Variants in FNDC1 observed in about 807,000 individuals in gnomAD.
The protein encoded by FNDC1 is fibronectin type III domain containing 1.
FNDC1 carries 96 observed loss-of-function variants against 168.0 expected under a neutral mutation model. The observed-to-expected ratio is 0.57, with a 90% CI of 0.48 to 0.68. FNDC1 has a LOEUF of 0.68. Ranked by LOEUF, FNDC1 falls within the 30% of genes least tolerant of loss-of-function variation. The pLI is 0.00. For missense variants in FNDC1, 2,587 were observed against 2,482.1 expected, an observed-to-expected ratio of 1.04 and a Z score of -0.90; for synonymous variants, 1,099 against 1,025.9, an observed-to-expected ratio of 1.07 and a Z score of -1.36.
intron 6 of FNDC1, 63 bp from the exon 7 acceptor site, chr6:159,223,465 A>G (rs1040868423): frequency 1.0e-6 from 1 of 977,112 alleles, no homozygotes; most frequent in African/African-American, 1.6e-5. Context: ...TCAAGGACTG[A>G]GGAGCTCAGG....
intron 17 of FNDC1, among the ~76,000 whole-genome samples, 182 bp downstream of exon 17, chr6:159,251,714 G>A (rs115594019): frequency 1.5e-3 from 232 of 152,272 alleles, no homozygotes; most frequent in African/African-American, 5.2e-3. Context: ...AACAATGGAA[G>A]CCTCATGGGG....
At chr6:159,222,349 C>G (rs1009462295) in intron 6 of FNDC1, among the ~76,000 whole-genome samples, 6 of 152,130 alleles carry the variant, frequency 3.9e-5, no homozygotes, top group Admixed American at 3.3e-4. Flanking sequence ...GTATGAAGTT[C>G]CACAAATACA....
intron 9 of FNDC1, among the ~76,000 whole-genome samples, chr6:159,227,978 C>T (rs1036300528): frequency 6.6e-6 from 1 of 152,122 alleles, no homozygotes. Context: ...AACTTTAACT[C>T]CCTCTGTATT....
intron 12 of FNDC1, among the ~76,000 whole-genome samples, chr6:159,238,307 G>A (rs1276943149): frequency 1.3e-5 from 2 of 151,778 alleles, no homozygotes; most frequent in East Asian, 1.9e-4. Context: ...CCGTGGTCTC[G>A]ATCTCCTGAT....
chr6:159,256,952 T>C (rs1250381703), intron 18 of FNDC1, among the ~76,000 whole-genome samples: 3 of 152,264 alleles, frequency 2.0e-5, no homozygotes, highest in African/African-American at 7.2e-5. Context: ...ATCGTGGCAC[T>C]AGGCATCATG....
chr6:159,223,632 G>A lies in FNDC1; in HGVS notation c.871G>A (p.Val291Ile). 6.2e-7 allele frequency: 1 copy of A among 1,609,676 alleles called. No homozygotes were observed. The highest frequency in any genetic ancestry group is 8.5e-7 in the Non-Finnish European group (1 of 1,176,728). ...VDPVLEKQKK[V>I]VASRQYTVRY... is the part of the protein sequence containing the mutation. ...TCCTGTTCTGGAAAAACAGAAGAAA[G>A]TTGTTGCATCAAGGTACTTTTGCTT... The change falls in exon 7 of 23, where the codon GTT (valine) becomes ATT (isoleucine). Residue 291 changes from valine (V) to isoleucine (I), a missense_variant. Coordinates refer to ENST00000297267, the MANE Select transcript of FNDC1 (RefSeq NM_032532.3).
Position 159,239,510 on chromosome 6 carries a change from G to C in FNDC1, c.4181-7G>C. On this transcript the variant is annotated splice_polypyrimidine_tract_variant and splice_region_variant and intron_variant, in intron 13 of 22. Coordinates refer to ENST00000297267, the MANE Select transcript of FNDC1 (RefSeq NM_032532.3). ...TGTTGCATAGCTATTGGTTGATTTTGTTTCAGATCTGGAAGGGACCCCCGT... is the reference window on the plus strand; with the variant it reads ...TGTTGCATAGCTATTGGTTGATTTTCTTTCAGATCTGGAAGGGACCCCCGT... 1 of 1,572,196 alleles carries C rather than the reference G, an allele frequency of 6.4e-7. No individual in the cohort carries two copies. The highest frequency in any genetic ancestry group is 8.6e-7 in the Non-Finnish European group (1 of 1,156,866).
At chr6:159,182,085 C>T (rs1352234211) in intron 1 of FNDC1, among the ~76,000 whole-genome samples, 3 of 152,220 alleles carry the variant, frequency 2.0e-5, no homozygotes, top group Admixed American at 2.0e-4. Context: ...AAACAAACCA[C>T]ACCCAAAGGA....
At chr6:159,208,940 C>T (rs377571059) in intron 4 of FNDC1, among the ~76,000 whole-genome samples, 13 of 151,590 alleles carry the variant, frequency 8.6e-5, no homozygotes, top group South Asian at 2.1e-4. Context: ...CTCTGCCTCC[C>T]GGCATCAAGC....
chr6:159,266,190 A>T lies in FNDC1; in HGVS notation c.5391A>T (p.Gly1797=). Residue 1797 remains glycine (G), a synonymous_variant, in exon 21 of 23, where the codon GGA becomes GGT. Coordinates refer to ENST00000297267, the MANE Select transcript of FNDC1 (RefSeq NM_032532.3). ...VKRTWYRKFV[G]VVLCNSLRYK... ...GCACGTGGTATCGAAAGTTCGTGGGAGTTGTTCTTTGTAATTCACTGAGGT... is the reference window on the plus strand; with the variant it reads ...GCACGTGGTATCGAAAGTTCGTGGGTGTTGTTCTTTGTAATTCACTGAGGT... 1 of 1,613,970 alleles carries T rather than the reference A, an allele frequency of 6.2e-7. No individual in the cohort carries two copies. Among genetic ancestry groups the T allele is most frequent in the Non-Finnish European group, 8.5e-7 (1 of 1,179,878 alleles).
intron 11 of FNDC1, 57 bp downstream of exon 11, chr6:159,234,536 T>C: frequency 6.5e-7 from 1 of 1,547,246 alleles, no homozygotes; most frequent in South Asian, 1.2e-5. Flanking sequence ...TTCATGGCAA[T>C]GCCTAAGAAG....
At chr6:159,231,740 C>T in intron 10 of FNDC1, 142 bp from the exon 11 acceptor site, 1 of 616,252 alleles carries the variant, frequency 1.6e-6, no homozygotes, top group Non-Finnish European at 2.7e-6. Flanking sequence ...AACACGTTTC[C>T]AGTGTTCTAA....
intron 20 of FNDC1, among the ~76,000 whole-genome samples, chr6:159,265,566 A>G (rs1187499588): frequency 1.3e-5 from 2 of 152,174 alleles, no homozygotes; most frequent in Non-Finnish European, 2.9e-5. Flanking sequence ...GGTAAATGGA[A>G]CGGCCCAAAT....
chr6:159,271,192 G>C, intron 22 of FNDC1, 135 bp from the exon 23 acceptor site: 2 of 654,306 alleles, frequency 3.1e-6, no homozygotes, highest in South Asian at 3.6e-5. Context: ...AAATGGTTCA[G>C]TTTATTTGAA....
At position 159,242,238 on chromosome 6, in the gene FNDC1, A is replaced by G. The variant is rs1034095176; in HGVS notation, c.4621+2281A>G. On this transcript the variant is annotated intron_variant, in intron 14 of 22. Coordinates refer to ENST00000297267, the MANE Select transcript of FNDC1 (RefSeq NM_032532.3). ...TCACCAAATTAACACAGGAACAGAA[A>G]ACTAAACACCGCATGTTGTCACTTG... 2.0e-5 allele frequency among the ~76,000 whole-genome samples: 3 copies of G among 152,356 alleles called. No homozygotes were observed. The East Asian group carries it at 5.8e-4, about 29-fold the overall frequency.
At chr6:159,241,807 T>C (rs568030725) in intron 14 of FNDC1, among the ~76,000 whole-genome samples, 14 of 152,236 alleles carry the variant, frequency 9.2e-5, no homozygotes, top group Non-Finnish European at 1.8e-4. Flanking sequence ...TCTGCATATT[T>C]AATCCATACA....
intron 20 of FNDC1, 74 bp from the exon 21 acceptor site, chr6:159,266,010 A>T: frequency 1.3e-6 from 2 of 1,534,166 alleles, no homozygotes; most frequent in South Asian, 2.3e-5. Context: ...AGTCAGTGCA[A>T]TTTCCTGGCA....
chr6:159,201,203 A>AG (rs1185115138), intron 4 of FNDC1, among the ~76,000 whole-genome samples: 1 of 152,212 alleles, frequency 6.6e-6, no homozygotes, highest in East Asian at 1.9e-4. Flanking sequence ...GTTATTTCAG[A>AG]GTGTGGTTGG....
chr6:159,238,943 GT>G (rs1783331505), intron 13 of FNDC1, among the ~76,000 whole-genome samples: 1 of 152,098 alleles, frequency 6.6e-6, no homozygotes, highest in African/African-American at 2.4e-5. Flanking sequence ...CAACCTGTAG[GT>G]TGTAGCCCAC....
Sources: gnomAD v4.1 joint callset for allele counts (sites outside exome capture counted in the v4.1 genomes callset) on GRCh38, gnomAD v4.1.1 for gene constraint, MANE v1.5 for transcripts, NCBI Gene and HGNC (gene_info 2026-07-23, HGNC 2026-07-21) for gene names.